The following MARK3 variants were observed in gnomAD, a reference collection of about 807,000 sequenced individuals.
MARK3 encodes MAP/microtubule affinity-regulating kinase 3.
In MARK3, 46 loss-of-function variants were observed where a neutral mutation model predicts 90.1. That is an observed-to-expected ratio of 0.51 (90% CI 0.40 to 0.65). MARK3 has a LOEUF of 0.65. Ranked by LOEUF, MARK3 falls within the 30% of genes least tolerant of loss-of-function variation. The probability of loss-of-function intolerance (pLI) is 0.00; values close to 1 mark genes in which losing one functional copy is unlikely to be tolerated. For synonymous variants in MARK3, 321 were observed against 332.6 expected (o/e 0.97, Z 0.38); for missense variants, 818 against 947.2 (o/e 0.86, Z 1.79).
At chr14:103,485,408 G>A (rs1403693491) in intron 14 of MARK3, among the ~76,000 whole-genome samples, 1 of 151,556 alleles carries the variant, frequency 6.6e-6, no homozygotes, top group African/African-American at 2.4e-5. Flanking sequence ...TGAGTAGCTG[G>A]GACTACAGGC....
rs976205956 is a variant in MARK3 at position 103,385,853 on chromosome 14, G to T, written c.-177G>T. The T allele has an allele frequency of 1.1e-5, 6 of 531,358 alleles. No homozygotes were observed. The highest frequency in any genetic ancestry group is 1.7e-5 in the Non-Finnish European group (5 of 300,754). 32.9% of individuals were successfully genotyped at this position (531,358 alleles called of 1,614,324 possible). Reference sequence around the variant, plus strand: ...AGGGAGAGAATGAGCCCCGGGACCCGCCGGGGGACGGCCCGGGCCAGGCCC... The same window carrying T: ...AGGGAGAGAATGAGCCCCGGGACCCTCCGGGGGACGGCCCGGGCCAGGCCC... On this transcript the variant is annotated 5_prime_UTR_variant, in exon 1 of 18. Coordinates refer to ENST00000429436, the MANE Select transcript of MARK3 (RefSeq NM_001128918.3).
At position 103,475,085 on chromosome 14, in the gene MARK3, C is replaced by G; in HGVS notation, c.1357C>G (p.Arg453Gly). The G allele has an allele frequency of 6.2e-7, 1 of 1,614,080 alleles. No individual in the cohort carries two copies. Among genetic ancestry groups the G allele is most frequent in the Non-Finnish European group, 8.5e-7 (1 of 1,179,940 alleles). The part of the protein sequence containing the change: ...SDLKEDGISS[R>G]KSSGSAVGGK... ...CCTCAAAGAAGATGGAATTTCCTCC[C>G]GGAAATCAAGTGGCAGTGCTGTTGG... is the stretch of plus-strand genomic sequence containing the variant. Residue 453 changes from arginine (R) to glycine (G), a missense_variant, in exon 13 of 18, where the codon CGG becomes GGG. Around this residue, in one of 3 missense-constraint regions of MARK3, gnomAD observed 560 missense variants for 613.5 expected, o/e 0.91. Coordinates refer to ENST00000429436, the MANE Select transcript of MARK3 (RefSeq NM_001128918.3).
intron 3 of MARK3, among the ~76,000 whole-genome samples, chr14:103,430,536 G>A (rs1171993467): frequency 1.3e-5 from 2 of 152,158 alleles, no homozygotes; most frequent in Non-Finnish European, 2.9e-5. Flanking sequence ...ATTTAAAGCT[G>A]TGGAGCATGC....
At chr14:103,399,134 ATT>A (rs1240019173) in intron 1 of MARK3, among the ~76,000 whole-genome samples, 1 of 152,182 alleles carries the variant, frequency 6.6e-6, no homozygotes, top group Non-Finnish European at 1.5e-5. Context: ...TGTTAAAAAA[ATT>A]TTTTACGGAC....
chr14:103,479,453 C>T (rs973454853), intron 13 of MARK3, among the ~76,000 whole-genome samples: 15 of 152,182 alleles, frequency 9.9e-5, no homozygotes, highest in African/African-American at 3.6e-4. Context: ...CCATTTTATC[C>T]AGCAATAGTG....
At position 103,468,156 on chromosome 14, in the gene MARK3, A is replaced by C. The variant is rs200501056; in HGVS notation, c.1234A>C (p.Ser412Arg). 11 of 1,613,978 alleles carry C rather than the reference A, an allele frequency of 6.8e-6. No homozygotes were observed. The East Asian group carries it at 2.5e-4, about 36-fold the overall frequency. The change falls in exon 12 of 18, where the codon AGC (serine) becomes CGC (arginine). Residue 412 changes from serine (S) to arginine (R), a missense_variant. Ser to Arg is a moderately radical substitution (Grantham distance 110, BLOSUM62 -1). Transcript: ENST00000429436. ...HHKVQRSVSSSQKQRRYSDHA... is the reference protein window; with the variant it reads ...HHKVQRSVSSRQKQRRYSDHA... The stretch of plus-strand genomic sequence containing the variant: ...CAAAGTGCAGAGAAGTGTTTCTTCA[A>C]GCCAAAAGCAAAGACGCTACAGTGA...
chr14:103,476,803 T>C (rs17617832), intron 13 of MARK3, among the ~76,000 whole-genome samples: 43,485 of 152,106 alleles, frequency 0.29, 7,309 homozygotes, highest in Non-Finnish European at 0.36. Context: ...GCTTTGCATG[T>C]TTCATCCTCT....
intron 2 of MARK3, among the ~76,000 whole-genome samples, chr14:103,407,009 A>G (rs2091340302): frequency 6.6e-6 from 1 of 151,616 alleles, no homozygotes; most frequent in Non-Finnish European, 1.5e-5. Context: ...AATTTTTTGT[A>G]TTTTTAGTAG....
At chr14:103,447,806 C>T (rs745804657) in intron 3 of MARK3, among the ~76,000 whole-genome samples, 3 of 152,116 alleles carry the variant, frequency 2.0e-5, no homozygotes, top group Admixed American at 6.5e-5. Flanking sequence ...GACAGGGTCT[C>T]GCTTTGTCGC....
intron 10 of MARK3, 79 bp from the exon 11 acceptor site, chr14:103,466,991 TGAAACTCCG>T (rs1255971646): frequency 1.0e-5 from 6 of 577,952 alleles, no homozygotes; most frequent in Admixed American, 1.0e-4. Context: ...GCAACAAGAG[TGAAACTCCG>T]TCTCAAAAAA....
intron 13 of MARK3, among the ~76,000 whole-genome samples, chr14:103,475,621 G>A (rs1191692296): frequency 6.6e-6 from 1 of 152,128 alleles, no homozygotes; most frequent in East Asian, 1.9e-4. Flanking sequence ...AGGGACAGAA[G>A]GGGTGAACTC....
rs563936358 is a variant in MARK3 at position 103,473,935 on chromosome 14, G to A, written c.1265-1058G>A. Reference sequence around the variant, plus strand: ...AAACAGGCTGGGCGCAGTAGCTCATGCCTGTAATCACAGCACTTTGGGAGG... The same window carrying A: ...AAACAGGCTGGGCGCAGTAGCTCATACCTGTAATCACAGCACTTTGGGAGG... On this transcript the variant is annotated intron_variant, in intron 12 of 17. Coordinates refer to ENST00000429436, the MANE Select transcript of MARK3 (RefSeq NM_001128918.3). 1.4e-4 allele frequency among the ~76,000 whole-genome samples: 21 copies of A among 151,732 alleles called. No individual in the cohort carries two copies. In the South Asian group the frequency reaches 4.4e-3, roughly 32 times the overall value.
intron 2 of MARK3, among the ~76,000 whole-genome samples, chr14:103,415,970 T>G (rs1485536267): frequency 6.6e-6 from 1 of 152,230 alleles, no homozygotes; most frequent in Non-Finnish European, 1.5e-5. Flanking sequence ...TACATTTCTT[T>G]CCCTAGCTTT....
chr14:103,464,327 C>T (rs574069098), intron 7 of MARK3, among the ~76,000 whole-genome samples: 14 of 112,618 alleles, frequency 1.2e-4, no homozygotes, highest in Admixed American at 6.0e-4. Context: ...GAGACGGAGT[C>T]TCACTTTGTT....
intron 17 of MARK3, among the ~76,000 whole-genome samples, chr14:103,500,870 C>A (rs1235708440): frequency 6.6e-6 from 1 of 152,162 alleles, no homozygotes; most frequent in Admixed American, 6.5e-5. Flanking sequence ...GAACCTCCCA[C>A]CTCAACCTCC....
intron 14 of MARK3, 24 bp downstream of exon 14, chr14:103,480,514 A>G (rs376623195): frequency 4.1e-6 from 6 of 1,472,234 alleles, no homozygotes; most frequent in Non-Finnish European, 4.7e-6. Context: ...CCTGTTTGTA[A>G]GAAAAGTTGT....
chr14:103,458,190 G>A (rs926818932), intron 6 of MARK3, among the ~76,000 whole-genome samples: 2 of 152,192 alleles, frequency 1.3e-5, no homozygotes, highest in Admixed American at 6.5e-5. Flanking sequence ...GGGTGCGATG[G>A]CTCATGCCTG....
At chr14:103,477,318 C>T (rs1257206468) in intron 13 of MARK3, among the ~76,000 whole-genome samples, 5 of 152,068 alleles carry the variant, frequency 3.3e-5, no homozygotes, top group Non-Finnish European at 5.9e-5. Flanking sequence ...ATGGTGAAAT[C>T]CCATCTCTAC....
intron 15 of MARK3, among the ~76,000 whole-genome samples, chr14:103,494,976 T>C (rs1452439510): frequency 6.6e-6 from 1 of 152,208 alleles, no homozygotes. Context: ...TTTATACATA[T>C]AAATATGTAT....
Sources: allele counts gnomAD v4.1 joint callset (sites outside exome capture counted in the v4.1 genomes callset), GRCh38; gene constraint gnomAD v4.1.1; regional missense constraint gnomAD v4.1.1; transcripts MANE v1.5; gene names NCBI Gene and HGNC (gene_info 2026-07-23, HGNC 2026-07-21).